Variants in GPR155 observed in about 807,000 individuals in gnomAD.
GPR155 encodes lysosomal cholesterol signaling protein.
In GPR155, 65 loss-of-function variants were observed where a neutral mutation model predicts 93.1. The observed-to-expected ratio is 0.70, with a 90% CI of 0.57 to 0.86. GPR155 has a LOEUF of 0.86. Ranked by LOEUF, GPR155 falls within the 40% of genes least tolerant of loss-of-function variation. The pLI is 0.00. For synonymous variants in GPR155, 319 were observed against 360.1 expected, an observed-to-expected ratio of 0.89 and a Z score of 1.29; for missense variants, 838 against 1,034.8, an observed-to-expected ratio of 0.81 and a Z score of 2.61.
chr2:174,471,055 G>A (rs1033578171), intron 3 of GPR155, among the ~76,000 whole-genome samples: 3 of 151,754 alleles, frequency 2.0e-5, no homozygotes, highest in Admixed American at 6.6e-5. Context: ...CATGATTAGG[G>A]GTTGAAATGG....
At chr2:174,460,811 A>G (rs1687669412) in intron 9 of GPR155, among the ~76,000 whole-genome samples, 1 of 152,204 alleles carries the variant, frequency 6.6e-6, no homozygotes, top group East Asian at 1.9e-4. Flanking sequence ...TTGAGCACTA[A>G]CCAGATGCCA....
intron 1 of GPR155, among the ~76,000 whole-genome samples, chr2:174,484,312 T>C (rs938825686): frequency 2.0e-5 from 3 of 152,186 alleles, no homozygotes; most frequent in African/African-American, 7.2e-5. Context: ...TGGTAAACAA[T>C]TAAACAAAGG....
chr2:174,457,830 A>T (rs1016236115), intron 10 of GPR155, among the ~76,000 whole-genome samples: 1 of 152,054 alleles, frequency 6.6e-6, no homozygotes, highest in East Asian at 1.9e-4. Flanking sequence ...GGCTCACTGC[A>T]GCTTCGACCT....
At chr2:174,453,616 C>T (rs1034691035) in intron 11 of GPR155, 121 bp downstream of exon 11, 20 of 579,330 alleles carry the variant, frequency 3.5e-5, no homozygotes, top group East Asian at 1.8e-4. Flanking sequence ...GCCAAGATAG[C>T]GCCACTGCAC....
At chr2:174,442,304 A>T in intron 13 of GPR155, 121 bp from the exon 14 acceptor site, 1 of 615,974 alleles carries the variant, frequency 1.6e-6, no homozygotes, top group Non-Finnish European at 3.0e-6. Flanking sequence ...CAAGAGCAAC[A>T]TTTTAAGTGG....
chr2:174,478,152 C>G (rs547726702), intron 2 of GPR155, among the ~76,000 whole-genome samples: 1 of 152,180 alleles, frequency 6.6e-6, no homozygotes, highest in African/African-American at 2.4e-5. Flanking sequence ...CATTTTGCCA[C>G]GGGAGATTCT....
intron 2 of GPR155, among the ~76,000 whole-genome samples, chr2:174,474,952 C>A (rs1688103129): frequency 6.6e-6 from 1 of 151,956 alleles, no homozygotes; most frequent in Admixed American, 6.6e-5. Flanking sequence ...TAAAAAAGAA[C>A]AGCCACAGTC....
In GPR155 at chr2:174,432,889, G is replaced by C; in HGVS notation, c.*3227C>G. 1 of 149,274 alleles carries C rather than the reference G, an allele frequency of 6.7e-6. No individual in the cohort carries two copies. Among genetic ancestry groups the C allele is most frequent in the Non-Finnish European group, 1.5e-5 (1 of 67,714 alleles). 9.2% of individuals were successfully genotyped at this position (149,274 alleles called of 1,614,324 possible). A position where few individuals can be genotyped will look rare whatever the true frequency, so the allele number is the denominator to read the frequency against. Reference sequence around the variant, plus strand: ...TGCCATTCTCCTGCCTCAGCCTCCCGAGTAGCTGGGACTATAGGTGCCCAC... The same window carrying C: ...TGCCATTCTCCTGCCTCAGCCTCCCCAGTAGCTGGGACTATAGGTGCCCAC... On this transcript the variant is annotated 3_prime_UTR_variant, in exon 16 of 16. Coordinates refer to ENST00000392552, the MANE Select transcript of GPR155 (RefSeq NM_152529.7).
At chr2:174,443,468 C>T (rs1461072621) in intron 13 of GPR155, among the ~76,000 whole-genome samples, 1 of 152,134 alleles carries the variant, frequency 6.6e-6, no homozygotes, top group Non-Finnish European at 1.5e-5. Context: ...TGGCCCATGC[C>T]CGTTAATACC....
At chr2:174,447,719 C>T (rs1400880505) in intron 11 of GPR155, among the ~76,000 whole-genome samples, 1 of 146,904 alleles carries the variant, frequency 6.8e-6, no homozygotes, top group Non-Finnish European at 1.5e-5. Flanking sequence ...ACTGCATGTG[C>T]TTACTTATAA....
intron 15 of GPR155, among the ~76,000 whole-genome samples, chr2:174,438,007 T>C (rs1356313894): frequency 1.3e-5 from 2 of 151,566 alleles, no homozygotes; most frequent in African/African-American, 4.8e-5. Context: ...TCCCAGCACT[T>C]TTTTTGGGAG....
intron 15 of GPR155, among the ~76,000 whole-genome samples, chr2:174,437,397 A>G (rs1289190132): frequency 6.6e-6 from 1 of 152,214 alleles, no homozygotes; most frequent in African/African-American, 2.4e-5. Flanking sequence ...GTTAATACTC[A>G]TGAAAAGTTT....
At position 174,470,488 on chromosome 2, in the gene GPR155, G is replaced by A. The variant is rs1035007861; in HGVS notation, c.928C>T (p.His310Tyr). 3 of 1,613,606 alleles carry A rather than the reference G, an allele frequency of 1.9e-6. 1 individual carries two copies. The African/African-American group carries it at 4.0e-5, about 22-fold the overall frequency. Residue 310 changes from histidine to tyrosine, a missense_variant, in exon 4 of 16, where the codon CAT (histidine) becomes TAT (tyrosine). Physicochemically the swap from His to Tyr is moderately conservative, Grantham distance 83 (BLOSUM62 2). This residue lies in a region of GPR155 where 663 missense variants were observed against 790.1 expected (regional missense o/e 0.84). Transcript: ENST00000392552. ...AATGCATAATTTGATAAACTTGTAT[G>A]GTTCACCACACTGTCGCCCTTGTCC... ...LLDKGDSVVN[H>Y]TSLSNYAFLY...
intron 2 of GPR155, among the ~76,000 whole-genome samples, chr2:174,479,571 A>T (rs13407011): frequency 0.18 from 27,322 of 152,232 alleles, 2,898 homozygotes; most frequent in Non-Finnish European, 0.25. Flanking sequence ...TAAGTATATA[A>T]GAAAGTACTC....
Position 174,433,453 on chromosome 2 carries a change from C to T in GPR155, c.*2663G>A, listed in dbSNP as rs1203225716. ...TGTGTGCTCAGTGTTCAGATTGTGT[C>T]TGGAACATGCTAGATGCTCGATAAG... is the stretch of plus-strand genomic sequence containing the variant. On this transcript the variant is annotated 3_prime_UTR_variant, in exon 16 of 16. Coordinates refer to ENST00000392552, the MANE Select transcript of GPR155 (RefSeq NM_152529.7). 4.6e-5 allele frequency: 7 copies of T among 152,278 alleles called. No homozygotes were observed. Among genetic ancestry groups the T allele is most frequent in the African/African-American group, 1.7e-4 (7 of 41,546 alleles). The allele number at this position is 152,278 out of a possible 1,614,324, so 9.4% of individuals were successfully genotyped here.
At chr2:174,444,486 CT>C (rs71024807) in intron 13 of GPR155, among the ~76,000 whole-genome samples, 27,309 of 88,658 alleles carry the variant, frequency 0.31, 1,713 homozygotes, top group Non-Finnish European at 0.34. Context: ...CCAAAGTGAC[CT>C]TTTTTTTTTT....
chr2:174,460,133 A>T (rs751632714), intron 9 of GPR155, 45 bp from the exon 10 acceptor site: 7 of 1,209,608 alleles, frequency 5.8e-6, no homozygotes, highest in Non-Finnish European at 7.0e-6. Context: ...TCACAACTTC[A>T]TCTTGATAAT....
In GPR155 at chr2:174,460,107, G is replaced by A. The variant is rs1687642610; in HGVS notation, c.1561-19C>T. 6.8e-7 allele frequency: 1 copy of A among 1,472,790 alleles called. No individual in the cohort carries two copies. The allele number at this position is 1,472,790 out of a possible 1,614,324, so 91.2% of individuals were successfully genotyped here. The stretch of plus-strand genomic sequence containing the variant: ...TGATCATCTGCCGACATGAAAAAAA[G>A]ATATCAGGCCACTTTTCACAACTTC... On this transcript the variant is annotated intron_variant, in intron 9 of 15. Transcript: ENST00000392552.
chr2:174,481,274 G>A (rs1355035080), intron 2 of GPR155, among the ~76,000 whole-genome samples: 3 of 152,018 alleles, frequency 2.0e-5, no homozygotes, highest in Non-Finnish European at 4.4e-5. Flanking sequence ...ATACAATTAG[G>A]ACTGTTCACA....
Sources: allele counts gnomAD v4.1 joint callset (sites outside exome capture counted in the v4.1 genomes callset), GRCh38; gene constraint gnomAD v4.1.1; regional missense constraint gnomAD v4.1.1; transcripts MANE v1.5; gene names NCBI Gene and HGNC (gene_info 2026-07-23, HGNC 2026-07-21).